Variants in PPARGC1A observed in about 807,000 individuals in gnomAD.
PPARGC1A encodes peroxisome proliferator-activated receptor gamma coactivator 1-alpha.
In PPARGC1A, 25 loss-of-function variants were observed where a neutral mutation model predicts 88.7. The ratio of observed to expected loss-of-function variants is 0.28; its 90% CI spans 0.21 to 0.39. PPARGC1A has a LOEUF of 0.39. PPARGC1A is among the 10% of genes least tolerant of loss of function. The probability of loss-of-function intolerance (pLI) is 1.00; values close to 1 mark genes in which losing one functional copy is unlikely to be tolerated. For missense variants in PPARGC1A, 880 were observed against 968.7 expected (o/e 0.91, Z 1.22); for synonymous variants, 363 against 355.6 (o/e 1.02, Z -0.24).
chr4:24,180,526 G>A, the PPARGC1A span, among the ~76,000 whole-genome samples: 1 of 152,232 alleles, frequency 6.6e-6, no homozygotes, highest in South Asian at 2.1e-4. Context: ...ATATAGAAAA[G>A]GCAAAGGGAT....
the PPARGC1A span, among the ~76,000 whole-genome samples, chr4:24,204,807 C>T: frequency 2.0e-5 from 3 of 151,866 alleles, no homozygotes; most frequent in African/African-American, 7.3e-5. Flanking sequence ...AGAGACCATT[C>T]ACGTTTTTTT....
the PPARGC1A span, among the ~76,000 whole-genome samples, chr4:24,055,286 G>C: frequency 2.6e-5 from 4 of 152,108 alleles, no homozygotes; most frequent in Non-Finnish European, 4.4e-5. Context: ...ACCTGTTCAG[G>C]GTACTGTATA....
the PPARGC1A span, among the ~76,000 whole-genome samples, chr4:24,317,674 T>C: frequency 6.7e-6 from 1 of 148,152 alleles, no homozygotes; most frequent in Non-Finnish European, 1.5e-5. Flanking sequence ...GAGAAATCAG[T>C]TGTAGGGCTG....
At chr4:23,967,841 G>A in the PPARGC1A span, among the ~76,000 whole-genome samples, 2 of 152,034 alleles carry the variant, frequency 1.3e-5, no homozygotes, top group Non-Finnish European at 2.9e-5. Context: ...TGTGTGAAGC[G>A]GTGTGCAAGG....
At chr4:24,390,581 A>C in the PPARGC1A span, among the ~76,000 whole-genome samples, 1 of 152,078 alleles carries the variant, frequency 6.6e-6, no homozygotes, top group Non-Finnish European at 1.5e-5. Context: ...GACTTTCTGC[A>C]AATTATTTTT....
At chr4:23,852,744 T>C (rs1296613227) in intron 2 of PPARGC1A, among the ~76,000 whole-genome samples, 2 of 152,318 alleles carry the variant, frequency 1.3e-5, no homozygotes, top group South Asian at 2.1e-4. Context: ...TACAGCATCA[T>C]GCCATGTTTT....
chr4:23,999,968 C>T, the PPARGC1A span, among the ~76,000 whole-genome samples: 30 of 152,198 alleles, frequency 2.0e-4, no homozygotes, highest in Admixed American at 1.8e-3. Context: ...GTTGATGAGA[C>T]GCAAGCACGT....
the PPARGC1A span, among the ~76,000 whole-genome samples, chr4:24,135,776 G>A: frequency 1.3e-5 from 2 of 152,066 alleles, no homozygotes; most frequent in African/African-American, 2.4e-5. Flanking sequence ...GCCTTTCAAG[G>A]GTTTAATTGC....
the PPARGC1A span, among the ~76,000 whole-genome samples, chr4:24,030,849 G>A: frequency 6.6e-6 from 1 of 152,174 alleles, no homozygotes; most frequent in Non-Finnish European, 1.5e-5. Flanking sequence ...TTGAAGCACA[G>A]CCTCATTCAT....
the PPARGC1A span, among the ~76,000 whole-genome samples, chr4:23,974,437 G>A: frequency 0.54 from 81,455 of 151,892 alleles, 22,352 homozygotes; most frequent in East Asian, 0.76. Context: ...CCTGTCTCTC[G>A]TGTTCACATC....
chr4:24,173,170 C>T, the PPARGC1A span, among the ~76,000 whole-genome samples: 7 of 152,044 alleles, frequency 4.6e-5, no homozygotes, highest in African/African-American at 1.7e-4. Flanking sequence ...AACGATGTGT[C>T]AGAGTGGAGC....
chr4:24,272,809 A>G, the PPARGC1A span, among the ~76,000 whole-genome samples: 1 of 152,216 alleles, frequency 6.6e-6, no homozygotes, highest in Non-Finnish European at 1.5e-5. Flanking sequence ...CACTGGTGCA[A>G]TAAGCAAAGA....
At chr4:23,978,076 C>T in the PPARGC1A span, among the ~76,000 whole-genome samples, 2 of 152,132 alleles carry the variant, frequency 1.3e-5, no homozygotes, top group Non-Finnish European at 2.9e-5. Flanking sequence ...AGTACCTCAC[C>T]ACCCCCAGCC....
upstream of PPARGC1A, among the ~76,000 whole-genome samples, chr4:23,894,832 G>C (rs1360918711): frequency 6.6e-6 from 1 of 152,090 alleles, no homozygotes; most frequent in East Asian, 1.9e-4. Flanking sequence ...GTTAAAATCT[G>C]ATTTTGTCTG....
At chr4:24,036,366 AT>A in the PPARGC1A span, among the ~76,000 whole-genome samples, 7 of 152,194 alleles carry the variant, frequency 4.6e-5, no homozygotes, top group African/African-American at 1.7e-4. Flanking sequence ...TGCCTACCCT[AT>A]AATCCTGAAA....
the PPARGC1A span, among the ~76,000 whole-genome samples, chr4:24,317,596 A>AAAAAAAAC: frequency 1.5e-5 from 2 of 131,208 alleles, no homozygotes; most frequent in African/African-American, 6.3e-5. Flanking sequence ...AAAAAAAAAA[A>AAAAAAAAC]CACCACCACC....
the PPARGC1A span, among the ~76,000 whole-genome samples, chr4:24,220,949 A>G: frequency 2.6e-5 from 4 of 152,178 alleles, no homozygotes; most frequent in African/African-American, 9.7e-5. Flanking sequence ...AAGAAATAGC[A>G]AATCCTACTC....
At chr4:23,832,798 G>T (rs1725279226) in intron 2 of PPARGC1A, among the ~76,000 whole-genome samples, 1 of 151,806 alleles carries the variant, frequency 6.6e-6, no homozygotes, top group Non-Finnish European at 1.5e-5. Context: ...TTTTAGTGAA[G>T]ATGGGGTTTC....
At chr4:24,112,104 G>A in the PPARGC1A span, among the ~76,000 whole-genome samples, 1 of 152,192 alleles carries the variant, frequency 6.6e-6, no homozygotes, top group South Asian at 2.1e-4. Flanking sequence ...GGTAGAGTCT[G>A]TCCATTCTGC....
Sources: gnomAD v4.1 joint callset for allele counts (sites outside exome capture counted in the v4.1 genomes callset) on GRCh38, gnomAD v4.1.1 for gene constraint, MANE v1.5 for transcripts, NCBI Gene and HGNC (gene_info 2026-07-23, HGNC 2026-07-21) for gene names.